Variants in CYP2J2 observed in about 807,000 individuals in gnomAD.
CYP2J2 encodes cytochrome P450 2J2.
A neutral mutation model predicts 48.8 loss-of-function variants in CYP2J2; 41 were observed. That is an observed-to-expected ratio of 0.84 (90% confidence interval 0.66 to 1.09). The LOEUF (loss-of-function observed/expected upper bound fraction) is 1.09. Among genes scored for constraint, CYP2J2 ranks in the 50% least tolerant of loss-of-function variants. CYP2J2 has a pLI of 0.00. For synonymous variants in CYP2J2, 221 were observed against 227.1 expected (o/e 0.97, Z 0.24); for missense variants, 644 against 617.3 (o/e 1.04, Z -0.46).
At chr1:59,901,195 G>T (rs1466938393) in intron 7 of CYP2J2, 92 bp from the exon 8 acceptor site, 9 of 1,388,272 alleles carry the variant, frequency 6.5e-6, no homozygotes, top group Non-Finnish European at 9.0e-6. Context: ...TCCTTGCCGG[G>T]GGCCTGAACA....
Position 59,916,040 on chromosome 1 carries a change from T to A in CYP2J2, c.271A>T (p.Ile91Phe). ...LELGDISAVL[I>F]TGLPLIKEAL... ...TCTTTGATTAAGGGCAAGCCAGTAA[T>A]AAGAACTGCAGATATGTCACCAAGC... The change falls in exon 2 of 9, where the codon ATT becomes TTT. Residue 91 changes from isoleucine (I) to phenylalanine (F), a missense_variant. Ile to Phe is a conservative substitution (Grantham distance 21). Coordinates refer to ENST00000371204, the MANE Select transcript of CYP2J2 (RefSeq NM_000775.4). 6.2e-7 allele frequency: 1 copy of A among 1,613,984 alleles called. No homozygotes were observed. Among genetic ancestry groups the A allele is most frequent in the Non-Finnish European group, 8.5e-7 (1 of 1,179,906 alleles).
intron 6 of CYP2J2, among the ~76,000 whole-genome samples, chr1:59,906,337 G>C (rs1412499148): frequency 6.6e-6 from 1 of 152,118 alleles, no homozygotes; most frequent in African/African-American, 2.4e-5. Context: ...CTGGTGGAAA[G>C]CCTATTGGTG....
chr1:59,949,424 AT>A, the CYP2J2 span, among the ~76,000 whole-genome samples: 1 of 152,100 alleles, frequency 6.6e-6, no homozygotes, highest in African/African-American at 2.4e-5. Context: ...AAATATACTT[AT>A]TTTTTAGTGT....
At chr1:59,959,689 A>G in the CYP2J2 span, among the ~76,000 whole-genome samples, 1 of 152,094 alleles carries the variant, frequency 6.6e-6, no homozygotes, top group Non-Finnish European at 1.5e-5. Flanking sequence ...ATGTATATGT[A>G]TACACACCAT....
chr1:59,968,283 T>A, the CYP2J2 span, among the ~76,000 whole-genome samples: 5 of 151,938 alleles, frequency 3.3e-5, no homozygotes, highest in Non-Finnish European at 7.4e-5. Context: ...TTGGACTTAT[T>A]TTATGGCACT....
intron 1 of CYP2J2, 134 bp from the exon 2 acceptor site, chr1:59,916,234 T>A (rs1644464866): frequency 3.1e-6 from 2 of 646,956 alleles, no homozygotes; most frequent in Non-Finnish European, 5.2e-6. Context: ...CGTGTGTGTG[T>A]GTGTGTGTGT....
the CYP2J2 span, among the ~76,000 whole-genome samples, chr1:59,932,363 ATC>A: frequency 6.6e-6 from 1 of 152,182 alleles, no homozygotes; most frequent in Non-Finnish European, 1.5e-5. Flanking sequence ...ATAAAATAAT[ATC>A]TAAATTGAGT....
intron 7 of CYP2J2, 88 bp from the exon 8 acceptor site, chr1:59,901,191 C>T: frequency 6.9e-7 from 1 of 1,457,994 alleles, no homozygotes; most frequent in Non-Finnish European, 9.4e-7. Flanking sequence ...GGCTTCCTTG[C>T]CGGGGGCCTG....
intron 6 of CYP2J2, among the ~76,000 whole-genome samples, chr1:59,906,988 A>G (rs1644370330): frequency 6.6e-6 from 1 of 152,196 alleles, no homozygotes; most frequent in South Asian, 2.1e-4. Flanking sequence ...GAAAAACTGT[A>G]TTGTTAAGAG....
At chr1:59,968,276 G>A in the CYP2J2 span, among the ~76,000 whole-genome samples, 1 of 151,966 alleles carries the variant, frequency 6.6e-6, no homozygotes, top group African/African-American at 2.4e-5. Context: ...AAAATATTTG[G>A]ACTTATTTTA....
In CYP2J2 at chr1:59,912,157, C is replaced by T. The variant is rs778589711; in HGVS notation, c.523+5G>A. On this transcript the variant is annotated splice_donor_5th_base_variant and intron_variant, in intron 3 of 8. Coordinates refer to ENST00000371204, the MANE Select transcript of CYP2J2 (RefSeq NM_000775.4). ...TCTCTCACCTCTGTCATATGCAATG[C>T]TCACCGTTCTCCTCTTTTATTGCTT... The T allele has an allele frequency of 1.2e-6, 2 of 1,610,818 alleles. No homozygotes were observed. The highest frequency in any genetic ancestry group is 1.7e-6 in the Non-Finnish European group (2 of 1,178,554).
chr1:59,966,358 G>T, the CYP2J2 span, among the ~76,000 whole-genome samples: 1 of 152,044 alleles, frequency 6.6e-6, no homozygotes, highest in African/African-American at 2.4e-5. Context: ...TATGTCCTGG[G>T]TACCATAAAA....
At chr1:59,943,924 T>C in the CYP2J2 span, among the ~76,000 whole-genome samples, 1 of 152,134 alleles carries the variant, frequency 6.6e-6, no homozygotes, top group African/African-American at 2.4e-5. Context: ...GCTGAAGAAA[T>C]GGGAGTTGAA....
the CYP2J2 span, among the ~76,000 whole-genome samples, chr1:59,969,153 T>G: frequency 6.6e-6 from 1 of 152,216 alleles, no homozygotes; most frequent in Non-Finnish European, 1.5e-5. Context: ...AGCAGGAAGA[T>G]TTATTGCAAA....
intron 1 of CYP2J2, among the ~76,000 whole-genome samples, chr1:59,922,021 C>T (rs1214461234): frequency 1.3e-5 from 2 of 152,158 alleles, no homozygotes; most frequent in Admixed American, 6.5e-5. Flanking sequence ...ATAATAAATG[C>T]TGGTATATCC....
At chr1:59,893,959 G>A in intron 8 of CYP2J2, 130 bp from the exon 9 acceptor site, 1 of 796,782 alleles carries the variant, frequency 1.3e-6, no homozygotes, top group South Asian at 2.2e-5. Flanking sequence ...GGGTGTTATG[G>A]CCAGCAGCTT....
chr1:59,915,915 C>T, intron 2 of CYP2J2, 23 bp downstream of exon 2: 1 of 1,607,548 alleles, frequency 6.2e-7, no homozygotes, highest in Non-Finnish European at 8.5e-7. Context: ...AAACACTCAC[C>T]TTTCGTTGGC....
rs567754797 is a variant in CYP2J2, at chr1:59,922,025, T to C, written c.210+4512A>G. Among the ~76,000 whole-genome samples, 13 of 152,278 alleles carry C rather than the reference T, an allele frequency of 8.5e-5. No homozygotes were observed. The South Asian group carries it at 2.3e-3, about 27-fold the overall frequency. On this transcript the variant is annotated intron_variant, in intron 1 of 8. Transcript: ENST00000371204. ...CACTAAACTTAATAATAAATGCTGG[T>C]ATATCCAGCGCACTGGCGGCATCGC...
chr1:59,941,278 G>A, the CYP2J2 span, among the ~76,000 whole-genome samples: 1 of 152,162 alleles, frequency 6.6e-6, no homozygotes, highest in East Asian at 1.9e-4. Context: ...GTCCCATACA[G>A]TTATAGTGGA....
Sources: gnomAD v4.1 joint callset for allele counts (sites outside exome capture counted in the v4.1 genomes callset) on GRCh38, gnomAD v4.1.1 for gene constraint, MANE v1.5 for transcripts, NCBI Gene and HGNC (gene_info 2026-07-23, HGNC 2026-07-21) for gene names.